The following SPATA17 variants were observed in gnomAD, a reference collection of about 807,000 sequenced individuals.
SPATA17 encodes spermatogenesis-associated protein 17.
In SPATA17, 53 loss-of-function variants were observed where a neutral mutation model predicts 62.2. The observed-to-expected ratio is 0.85, with a 90% CI of 0.68 to 1.07. The LOEUF (loss-of-function observed/expected upper bound fraction) is 1.07. SPATA17 is among the 50% of genes least tolerant of loss of function. The pLI is 0.00. For synonymous variants in SPATA17, 146 were observed against 146.8 expected (o/e 0.99, Z 0.04); for missense variants, 466 against 425.5 (o/e 1.10, Z -0.84).
intron 10 of SPATA17, chr1:217,866,637 T>A (rs1325380386): frequency 6.6e-6 from 1 of 152,028 alleles, no homozygotes; most frequent in Non-Finnish European, 1.5e-5. Context: ...ACTTTTTAAT[T>A]TTTTTGTAAA....
intron 6 of SPATA17, among the ~76,000 whole-genome samples, chr1:217,755,250 C>A (rs1571783433): frequency 6.6e-6 from 1 of 151,938 alleles, no homozygotes; most frequent in Non-Finnish European, 1.5e-5. Flanking sequence ...AACGAATAAT[C>A]TTGTCAATTG....
intron 6 of SPATA17, among the ~76,000 whole-genome samples, chr1:217,756,295 C>T (rs929251347): frequency 6.7e-6 from 1 of 149,342 alleles, no homozygotes; most frequent in African/African-American, 2.5e-5. Flanking sequence ...TAACTTATGT[C>T]TATATTTGCC....
At position 217,837,853 on chromosome 1, in the gene SPATA17, T is replaced by A. The variant is rs1449621140; in HGVS notation, c.1006-24921T>A. On this transcript the variant is annotated intron_variant, in intron 9 of 10. Transcript: ENST00000366933. ...ATGTAACTCCGTAGAATTCCAGAAT[T>A]GCTCTGTTTACTAAATAGCAGACAG... Among the ~76,000 whole-genome samples the A allele has an allele frequency of 1.3e-5, 2 of 152,152 alleles. 1 individual carries two copies. The highest frequency in any genetic ancestry group is 2.9e-5 in the Non-Finnish European group (2 of 68,014).
rs1356156270 is a variant in SPATA17 at position 217,869,415 on chromosome 1, T to A, written c.*2396T>A. On this transcript the variant is annotated 3_prime_UTR_variant, in exon 11 of 11. Coordinates refer to ENST00000366933, the MANE Select transcript of SPATA17 (RefSeq NM_138796.4). ...GAGCATAGATTGTAAATGTTTCTTA[T>A]CTGACTTAAAAAGGTGTCAGACTCT... 1.3e-5 allele frequency: 2 copies of A among 152,178 alleles called. No homozygotes were observed. Among genetic ancestry groups the A allele is most frequent in the East Asian group, 3.9e-4 (2 of 5,180 alleles). The allele number at this position is 152,178 out of a possible 1,614,324, so 9.4% of individuals were successfully genotyped here. A position where few individuals can be genotyped will look rare whatever the true frequency, so the allele number is the denominator to read the frequency against.
chr1:217,733,294 C>T (rs1672438744), intron 5 of SPATA17, among the ~76,000 whole-genome samples: 2 of 152,176 alleles, frequency 1.3e-5, no homozygotes, highest in Non-Finnish European at 2.9e-5. Context: ...AAGTGCATTT[C>T]TGTCCTTTGC....
chr1:217,836,495 ACT>A (rs1403037515), intron 9 of SPATA17, among the ~76,000 whole-genome samples: 1 of 152,104 alleles, frequency 6.6e-6, no homozygotes, highest in Non-Finnish European at 1.5e-5. Context: ...GGAAATGTTA[ACT>A]CTGTCATTTA....
At chr1:217,799,723 A>G (rs554289820) in intron 8 of SPATA17, among the ~76,000 whole-genome samples, 2 of 152,044 alleles carry the variant, frequency 1.3e-5, no homozygotes, top group East Asian at 3.9e-4. Flanking sequence ...ACTTTTTCTA[A>G]GTTTATTAAA....
chr1:217,762,722 A>C (rs1262996182), intron 6 of SPATA17, among the ~76,000 whole-genome samples: 1 of 152,212 alleles, frequency 6.6e-6, no homozygotes, highest in Non-Finnish European at 1.5e-5. Flanking sequence ...CCGTAATCCC[A>C]ACACTTTGGG....
chr1:217,803,433 T>C (rs1674362001), intron 9 of SPATA17, among the ~76,000 whole-genome samples: 1 of 152,162 alleles, frequency 6.6e-6, no homozygotes, highest in African/African-American at 2.4e-5. Context: ...AAAATTAACA[T>C]ACAAATATTA....
chr1:217,812,963 A>G (rs568814639), intron 9 of SPATA17, among the ~76,000 whole-genome samples: 13 of 152,316 alleles, frequency 8.5e-5, no homozygotes, highest in African/African-American at 2.9e-4. Flanking sequence ...CATACGTCTT[A>G]TTACAGGTGA....
intron 6 of SPATA17, among the ~76,000 whole-genome samples, chr1:217,754,816 T>C (rs1420560753): frequency 6.6e-6 from 1 of 152,140 alleles, no homozygotes; most frequent in Non-Finnish European, 1.5e-5. Flanking sequence ...CCCTACTCTG[T>C]GCACTCTATC....
At chr1:217,820,770 A>C (rs962662343) in intron 9 of SPATA17, among the ~76,000 whole-genome samples, 2 of 152,064 alleles carry the variant, frequency 1.3e-5, no homozygotes, top group Admixed American at 6.6e-5. Context: ...TATTTGGTTC[A>C]TAAATAATAA....
chr1:217,665,521 G>C (rs1670676466), intron 3 of SPATA17: 1 of 152,156 alleles, frequency 6.6e-6, no homozygotes, highest in South Asian at 2.1e-4. Flanking sequence ...AAAGCCCAGG[G>C]ATTAGTTGGA....
intron 6 of SPATA17, among the ~76,000 whole-genome samples, chr1:217,772,361 T>C (rs1192503753): frequency 6.6e-6 from 1 of 152,144 alleles, no homozygotes; most frequent in Non-Finnish European, 1.5e-5. Context: ...AGAGAATAAA[T>C]CTCAAAGAAG....
At chr1:217,642,456 G>A (rs1182515600) in intron 1 of SPATA17, among the ~76,000 whole-genome samples, 9 of 152,126 alleles carry the variant, frequency 5.9e-5, no homozygotes, top group Non-Finnish European at 8.8e-5. Flanking sequence ...TGTCCTCATT[G>A]TTCTAATGCT....
Position 217,774,371 on chromosome 1 carries a change from C to A in SPATA17, c.557C>A (p.Pro186His). The A allele has an allele frequency of 6.2e-7, 1 of 1,613,924 alleles. No individual in the cohort carries two copies. The highest frequency in any genetic ancestry group is 8.5e-7 in the Non-Finnish European group (1 of 1,179,904). The change falls in exon 7 of 11, where the codon CCT becomes CAT. Residue 186 changes from proline (P) to histidine (H), a missense_variant. By Grantham distance (77) the Pro-to-His change is moderately conservative. Transcript: ENST00000366933. ...TACAATTCACCCTTCAGAAAAGAGC[C>A]TGATCCATGGGAGCTGCAATTACAG... ...GIYNSPFRKE[P>H]DPWELQLQKA...
At chr1:217,639,711 A>C (rs1158586986) in intron 1 of SPATA17, among the ~76,000 whole-genome samples, 1 of 152,140 alleles carries the variant, frequency 6.6e-6, no homozygotes, top group Non-Finnish European at 1.5e-5. Context: ...TTCACTGTAC[A>C]TTTTCAGTCT....
At chr1:217,724,035 G>A (rs1379015122) in intron 5 of SPATA17, among the ~76,000 whole-genome samples, 1 of 152,156 alleles carries the variant, frequency 6.6e-6, no homozygotes, top group African/African-American at 2.4e-5. Flanking sequence ...AAGGAAACAG[G>A]AGTGAAGGAA....
At chr1:217,731,782 A>G in intron 5 of SPATA17, among the ~76,000 whole-genome samples, 1 of 152,140 alleles carries the variant, frequency 6.6e-6, no homozygotes, top group East Asian at 1.9e-4. Context: ...AATACTAAAA[A>G]ATGTGAATCT....
Sources: allele counts gnomAD v4.1 joint callset (sites outside exome capture counted in the v4.1 genomes callset), GRCh38; gene constraint gnomAD v4.1.1; transcripts MANE v1.5; gene names NCBI Gene and HGNC (gene_info 2026-07-23, HGNC 2026-07-21).